Variants in CSMD1 observed in about 807,000 individuals in gnomAD.
CSMD1 encodes CUB and Sushi multiple domains 1.
In CSMD1, 213 loss-of-function variants were observed where a neutral mutation model predicts 417.5. The ratio of observed to expected loss-of-function variants is 0.51; its 90% confidence interval spans 0.46 to 0.57. CSMD1 has a LOEUF of 0.57. Ranked by LOEUF, CSMD1 falls within the 20% of genes least tolerant of loss-of-function variation. CSMD1 has a pLI of 0.00. For missense variants in CSMD1, 6,923 were observed against 4,529.7 expected, an observed-to-expected ratio of 1.53 and a Z score of -15.17; for synonymous variants, 2,862 against 1,736.8, an observed-to-expected ratio of 1.65 and a Z score of -16.11.
intron 2 of CSMD1, among the ~76,000 whole-genome samples, chr8:4,454,570 C>T (rs1397514833): frequency 2.0e-5 from 3 of 152,106 alleles, no homozygotes; most frequent in African/African-American, 4.8e-5. Context: ...AGAGTAGACC[C>T]AATGCAGCAC....
intron 5 of CSMD1, among the ~76,000 whole-genome samples, chr8:3,804,787 T>C (rs1800637973): frequency 6.6e-6 from 1 of 152,232 alleles, no homozygotes. Flanking sequence ...AGAAAATATG[T>C]TTGGTAATCT....
At chr8:4,687,448 G>C (rs1169747920) in intron 1 of CSMD1, among the ~76,000 whole-genome samples, 1 of 152,206 alleles carries the variant, frequency 6.6e-6, no homozygotes, top group Non-Finnish European at 1.5e-5. Context: ...TGATAATTTA[G>C]TCAACACTAA....
chr8:3,237,135 T>A (rs1164631081), intron 26 of CSMD1, among the ~76,000 whole-genome samples: 7 of 151,616 alleles, frequency 4.6e-5, no homozygotes, highest in African/African-American at 1.5e-4. Flanking sequence ...ATAACGCCAA[T>A]CTTTTTGCAA....
At chr8:3,405,470 T>G (rs1183861398) in intron 15 of CSMD1, among the ~76,000 whole-genome samples, 1 of 152,174 alleles carries the variant, frequency 6.6e-6, no homozygotes, top group Non-Finnish European at 1.5e-5. Context: ...TAGTTAACCA[T>G]AAGCAACACT....
Position 4,759,850 on chromosome 8 carries a change from G to C in CSMD1, c.86-122292C>G, listed in dbSNP as rs139675983. The stretch of plus-strand genomic sequence containing the variant: ...GGGTTGATTCCATGTGTTTGCTATT[G>C]TGAATAGTACTGCAATGAATATAGG... On this transcript the variant is annotated intron_variant, in intron 1 of 69. Coordinates refer to ENST00000635120, the MANE Select transcript of CSMD1 (RefSeq NM_033225.6). 4.4e-3 allele frequency among the ~76,000 whole-genome samples: 675 copies of C among 152,234 alleles called. 3 individuals are homozygous for C. The highest frequency in any genetic ancestry group is 0.016 in the African/African-American group (654 of 41,554).
At position 3,660,544 on chromosome 8, in the gene CSMD1, A is replaced by T. The variant is rs1798361503; in HGVS notation, c.1010-43747T>A. Among the ~76,000 whole-genome samples the T allele has an allele frequency of 5.2e-5, 3 of 57,372 alleles. 1 individual carries two copies. The highest frequency in any genetic ancestry group is 6.2e-5 in the Non-Finnish European group (2 of 32,154). The allele number at this position is 57,372 out of a possible 152,430, so 37.6% of individuals were successfully genotyped here. ...TTTTTTTTTTTTTTTTTTTTGAAAAAAAACAAGGCCCTGCAGTCCAGGCAA... is the reference window on the plus strand; with the variant it reads ...TTTTTTTTTTTTTTTTTTTTGAAAATAAACAAGGCCCTGCAGTCCAGGCAA... On this transcript the variant is annotated intron_variant, in intron 7 of 69. Coordinates refer to ENST00000635120, the MANE Select transcript of CSMD1 (RefSeq NM_033225.6).
intron 5 of CSMD1, among the ~76,000 whole-genome samples, chr8:3,836,187 C>T (rs1434825822): frequency 6.6e-6 from 1 of 151,544 alleles, no homozygotes; most frequent in Admixed American, 6.6e-5. Context: ...TAGATTTTTC[C>T]ACTTGTTTAT....
chr8:3,692,454 T>G (rs948335831), intron 7 of CSMD1, among the ~76,000 whole-genome samples: 8 of 151,934 alleles, frequency 5.3e-5, no homozygotes, highest in African/African-American at 1.9e-4. Flanking sequence ...AATTTTTTTT[T>G]TTTTTGAGAC....
chr8:4,857,319 G>T (rs1046233529), intron 1 of CSMD1, among the ~76,000 whole-genome samples: 1 of 150,078 alleles, frequency 6.7e-6, no homozygotes, highest in Non-Finnish European at 1.5e-5. Flanking sequence ...AAGCAGGAAA[G>T]ATCCAAAATT....
chr8:4,360,990 T>A (rs1403707879), intron 3 of CSMD1, among the ~76,000 whole-genome samples: 1 of 152,220 alleles, frequency 6.6e-6, no homozygotes, highest in African/African-American at 2.4e-5. Flanking sequence ...ATTTGACTAA[T>A]ATTTGAAGAC....
At chr8:3,442,583 C>A (rs953561791) in intron 12 of CSMD1, among the ~76,000 whole-genome samples, 25 of 152,126 alleles carry the variant, frequency 1.6e-4, no homozygotes, top group African/African-American at 6.0e-4. Flanking sequence ...ATAGGCTGTA[C>A]CATATATCCC....
At chr8:3,184,566 T>G (rs886104598) in intron 36 of CSMD1, among the ~76,000 whole-genome samples, 3 of 152,238 alleles carry the variant, frequency 2.0e-5, no homozygotes, top group Non-Finnish European at 2.9e-5. Context: ...GCCTTCTTCT[T>G]ACGCATTTGT....
chr8:3,560,858 G>A (rs1799439747), intron 10 of CSMD1, among the ~76,000 whole-genome samples: 1 of 152,082 alleles, frequency 6.6e-6, no homozygotes, highest in Non-Finnish European at 1.5e-5. Flanking sequence ...AGGGTCTTTT[G>A]TAGAATTTCA....
chr8:3,003,559 T>A (rs1298049848), intron 52 of CSMD1, among the ~76,000 whole-genome samples: 8 of 152,204 alleles, frequency 5.3e-5, no homozygotes, highest in Admixed American at 2.6e-4. Context: ...CTTCATGTAT[T>A]TGACAATAAT....
chr8:4,293,887 G>C (rs1797519026), intron 3 of CSMD1, among the ~76,000 whole-genome samples: 1 of 152,052 alleles, frequency 6.6e-6, no homozygotes, highest in Middle Eastern at 3.4e-3. Context: ...CCAGATTTAA[G>C]GTTTGATAGA....
At chr8:3,746,713 A>G (rs1797080521) in intron 6 of CSMD1, among the ~76,000 whole-genome samples, 1 of 152,210 alleles carries the variant, frequency 6.6e-6, no homozygotes, top group African/African-American at 2.4e-5. Context: ...ATTACAACTA[A>G]TATTTAAGTG....
At chr8:4,363,984 A>G (rs768267255) in intron 3 of CSMD1, among the ~76,000 whole-genome samples, 4 of 152,172 alleles carry the variant, frequency 2.6e-5, no homozygotes, top group Non-Finnish European at 4.4e-5. Flanking sequence ...TTTTGCTAGC[A>G]TAACAGGTTG....
At chr8:4,712,808 C>T (rs1008384102) in intron 1 of CSMD1, among the ~76,000 whole-genome samples, 1 of 152,178 alleles carries the variant, frequency 6.6e-6, no homozygotes, top group Non-Finnish European at 1.5e-5. Flanking sequence ...GAGGCACATA[C>T]ATGACTGTAC....
At chr8:4,235,337 T>C (rs986326447) in intron 3 of CSMD1, among the ~76,000 whole-genome samples, 4 of 151,316 alleles carry the variant, frequency 2.6e-5, no homozygotes, top group African/African-American at 9.7e-5. Flanking sequence ...CCATTCATAC[T>C]CATTAATCAA....
Sources: allele counts gnomAD v4.1 joint callset (sites outside exome capture counted in the v4.1 genomes callset), GRCh38; gene constraint gnomAD v4.1.1; transcripts MANE v1.5; gene names NCBI Gene and HGNC (gene_info 2026-07-23, HGNC 2026-07-21).